Variants in CACNA1A observed in about 807,000 individuals in gnomAD.
CACNA1A encodes the protein voltage-dependent P/Q-type calcium channel subunit alpha-1A.
CACNA1A carries 57 observed loss-of-function variants against 262.4 expected under a neutral mutation model. That is an observed-to-expected ratio of 0.22 (90% CI 0.18 to 0.27). CACNA1A has a LOEUF of 0.27. CACNA1A is among the 10% of genes least tolerant of loss of function. The pLI is 1.00. For missense variants in CACNA1A, 2,526 were observed against 3,562.8 expected, an observed-to-expected ratio of 0.71 and a Z score of 7.41; for synonymous variants, 1,431 against 1,419.3, an observed-to-expected ratio of 1.01 and a Z score of -0.18.
chr19:13,214,193 G>A lies in CACNA1A; in HGVS notation c.5940+40C>T, dbSNP rs761082162. On this transcript the variant is annotated intron_variant, in intron 40 of 46. Coordinates refer to ENST00000360228, the MANE Select transcript of CACNA1A (RefSeq NM_001127222.2). This position sits in a 1 kb window ranked among gnomAD's most constrained non-coding sequence, Gnocchi z 4.1. ...TTCCCGTGGTGACATGCAAGCCACT[G>A]TCCCCAGCCCAGATGTCCCCAGAGC... is the stretch of plus-strand genomic sequence containing the variant. The A allele has an allele frequency of 5.2e-6, 8 of 1,525,300 alleles. No individual in the cohort carries two copies. The highest frequency in any genetic ancestry group is 2.7e-5 in the African/African-American group (2 of 73,210). The allele number at this position is 1,525,300 out of a possible 1,614,324, so 94.5% of individuals were successfully genotyped here.
In CACNA1A at chr19:13,217,316, C is replaced by T. The variant is rs370391880; in HGVS notation, c.5732-2708G>A. Among the ~76,000 whole-genome samples the T allele has an allele frequency of 2.6e-5, 4 of 152,084 alleles. No homozygotes were observed. In the East Asian group the frequency reaches 5.8e-4, roughly 22 times the overall value. ...AGTCTCCAGCAATGAATGGTGACAC[C>T]ATTTTTGAGAATCTGAAGAATGAGG... On this transcript the variant is annotated intron_variant, in intron 38 of 46. Coordinates refer to ENST00000360228, the MANE Select transcript of CACNA1A (RefSeq NM_001127222.2).
In CACNA1A at chr19:13,298,695, G is replaced by T. The variant is rs778978325; in HGVS notation, c.2938C>A (p.Arg980Ser). The change falls in exon 19 of 47, where the codon CGC becomes AGC. Residue 980 changes from arginine to serine, a missense_variant. Arg to Ser is a moderately radical substitution (Grantham distance 110). Coordinates refer to ENST00000360228, the MANE Select transcript of CACNA1A (RefSeq NM_001127222.2). ...CCCCGGGCCGGCCGGCTGCCCTCGC[G>T]GTGCCGCGCCCTCCGCTCCGCCTTG... Reference protein sequence around the residue: ...EDKAERRARHREGSRPARGGE... With the variant: ...EDKAERRARHSEGSRPARGGE... 1.4e-6 allele frequency: 2 copies of T among 1,443,448 alleles called. No individual in the cohort carries two copies. The highest frequency in any genetic ancestry group is 1.8e-6 in the Non-Finnish European group (2 of 1,102,972). 89.4% of individuals were successfully genotyped at this position (1,443,448 alleles called of 1,614,324 possible). A position where few individuals can be genotyped will look rare whatever the true frequency, so the allele number is the denominator to read the frequency against.
At chr19:13,504,465 C>A (rs1172202985) in intron 1 of CACNA1A, among the ~76,000 whole-genome samples, 1 of 152,156 alleles carries the variant, frequency 6.6e-6, no homozygotes, top group Non-Finnish European at 1.5e-5. Context: ...AATCCCAGCA[C>A]CCAGGATCCA....
chr19:13,403,414 C>A (rs1204769160), intron 3 of CACNA1A, among the ~76,000 whole-genome samples: 1 of 152,082 alleles, frequency 6.6e-6, no homozygotes, highest in Non-Finnish European at 1.5e-5. Context: ...AGCACTCAGG[C>A]AGAAGTGGAA....
At chr19:13,240,373 CTGTGTGTGCAG>C (rs1336178679) in intron 31 of CACNA1A, among the ~76,000 whole-genome samples, 3 of 150,984 alleles carry the variant, frequency 2.0e-5, no homozygotes, top group Non-Finnish European at 3.0e-5. Flanking sequence ...TGTGCAGTGA[CTGTGTGTGCAG>C]TGTGTGTGCA....
chr19:13,504,998 C>T (rs969813914), intron 1 of CACNA1A, among the ~76,000 whole-genome samples: 2 of 152,126 alleles, frequency 1.3e-5, no homozygotes, highest in Non-Finnish European at 1.5e-5. Flanking sequence ...CATTTACCTA[C>T]CTAAGATGTC....
intron 27 of CACNA1A, chr19:13,258,996 T>C (rs11668471): frequency 0.78 from 118,648 of 151,556 alleles, 46,744 homozygotes; most frequent in Non-Finnish European, 0.84. Flanking sequence ...TACAATGGCA[T>C]AATCACAGCT....
At chr19:13,413,901 AAGAAAG>A (rs2060170941) in intron 3 of CACNA1A, among the ~76,000 whole-genome samples, 1 of 62,414 alleles carries the variant, frequency 1.6e-5, no homozygotes, top group Non-Finnish European at 4.1e-5. Context: ...AAGAAAAAGA[AAGAAAG>A]AAAGAAAGAA....
At chr19:13,382,573 G>A (rs1036312985) in intron 3 of CACNA1A, among the ~76,000 whole-genome samples, 25 of 152,332 alleles carry the variant, frequency 1.6e-4, no homozygotes, top group African/African-American at 5.8e-4. Flanking sequence ...CTGTCAACTA[G>A]AGGCTGGGTC....
chr19:13,268,893 C>CT (rs3050832), intron 24 of CACNA1A, among the ~76,000 whole-genome samples: 1,132 of 107,788 alleles, frequency 0.011, 30 homozygotes, highest in African/African-American at 0.023. Context: ...ATAGATTCTA[C>CT]TTTTTTTTTT....
intron 24 of CACNA1A, among the ~76,000 whole-genome samples, chr19:13,267,664 T>A (rs981627788): frequency 6.6e-6 from 1 of 152,080 alleles, no homozygotes; most frequent in Non-Finnish European, 1.5e-5. Context: ...AGGCCCAGAC[T>A]GGGTGCCGTG....
At chr19:13,283,495 C>A in intron 21 of CACNA1A, 99 bp from the exon 22 acceptor site, 1 of 1,473,416 alleles carries the variant, frequency 6.8e-7, no homozygotes, top group Non-Finnish European at 9.3e-7. Flanking sequence ...ACTGAGATCT[C>A]CAACCCCCAA....
intron 36 of CACNA1A, chr19:13,229,692 C>G (rs1209253867): frequency 6.1e-6 from 1 of 164,818 alleles, no homozygotes; most frequent in Non-Finnish European, 1.3e-5. Flanking sequence ...TAGGCCAGCC[C>G]TCCTCCCCAC....
intron 19 of CACNA1A, among the ~76,000 whole-genome samples, chr19:13,294,545 T>C (rs897777865): frequency 1.4e-5 from 2 of 142,162 alleles, no homozygotes; most frequent in East Asian, 4.3e-4. Context: ...CAGGCTGGAG[T>C]GCAGTGGTGT....
chr19:13,430,352 G>A (rs891021610), intron 3 of CACNA1A, among the ~76,000 whole-genome samples: 8 of 152,040 alleles, frequency 5.3e-5, no homozygotes, highest in African/African-American at 1.5e-4. Context: ...GACTACAGGC[G>A]TGCAATGCCA....
In CACNA1A at chr19:13,403,667, G is replaced by A. The variant is rs2059950071; in HGVS notation, c.540-31888C>T. Among the ~76,000 whole-genome samples the A allele has an allele frequency of 2.0e-5, 3 of 152,276 alleles. No homozygotes were observed. In the South Asian group the frequency reaches 6.2e-4, roughly 32 times the overall value. On this transcript the variant is annotated intron_variant, in intron 3 of 46. Coordinates refer to ENST00000360228, the MANE Select transcript of CACNA1A (RefSeq NM_001127222.2). ...TAAGGAGGGAGGACCTGGGTGCAGTGGCTCATGCCTGTAATCCCAGCATGT... is the reference window on the plus strand; with the variant it reads ...TAAGGAGGGAGGACCTGGGTGCAGTAGCTCATGCCTGTAATCCCAGCATGT...
At chr19:13,493,286 A>G (rs777493235) in intron 1 of CACNA1A, among the ~76,000 whole-genome samples, 1 of 152,196 alleles carries the variant, frequency 6.6e-6, no homozygotes, top group Admixed American at 6.5e-5. Context: ...AACCCATGAC[A>G]TCGATTACAT....
intron 20 of CACNA1A, among the ~76,000 whole-genome samples, chr19:13,285,908 T>C (rs2057385771): frequency 6.6e-6 from 1 of 150,774 alleles, no homozygotes; most frequent in African/African-American, 2.4e-5. Flanking sequence ...CACATAGAAC[T>C]GACACTAGAT....
chr19:13,353,981 ATTAT>A (rs1242452219), intron 6 of CACNA1A, among the ~76,000 whole-genome samples: 2 of 152,122 alleles, frequency 1.3e-5, no homozygotes, highest in Non-Finnish European at 2.9e-5. Context: ...TGGGTGATTG[ATTAT>A]TTATCATGTT....
Sources: gnomAD v4.1 joint callset for allele counts (sites outside exome capture counted in the v4.1 genomes callset) on GRCh38, gnomAD v4.1.1 for gene constraint, Gnocchi (gnomAD v3.1) non-coding constraint, MANE v1.5 for transcripts, NCBI Gene and HGNC (gene_info 2026-07-23, HGNC 2026-07-21) for gene names.